KHNYN: variants seen among roughly 807,000 people sequenced by gnomAD.
The protein encoded by KHNYN is KH and NYN domain containing.
In KHNYN, 42 loss-of-function variants were observed where a neutral mutation model predicts 62.7. The observed-to-expected ratio is 0.67, with a 90% CI of 0.52 to 0.87. The LOEUF (loss-of-function observed/expected upper bound fraction) is 0.87, where lower values mean the gene tolerates loss of function less well. Among genes scored for constraint, KHNYN ranks in the 40% least tolerant of loss-of-function variants. The pLI, the probability that KHNYN is intolerant of heterozygous loss-of-function variation, is 0.00. For synonymous variants in KHNYN, 347 were observed against 345.6 expected (o/e 1.00, Z -0.04); for missense variants, 829 against 874.1 (o/e 0.95, Z 0.65).
chr14:24,431,733 A>T lies in KHNYN; in HGVS notation c.472A>T (p.Thr158Ser), dbSNP rs1326757358. 6.2e-7 allele frequency: 1 copy of T among 1,614,162 alleles called. No homozygotes were observed. The highest frequency in any genetic ancestry group is 1.7e-5 in the Admixed American group (1 of 60,030). The stretch of plus-strand genomic sequence containing the variant: ...ACCATCTTCCGGAGCCTCTCAGTGT[A>T]CTGGAGTGCTGAGAGACTTCTCTGC... ...PGPSSGASQC[T>S]GVLRDFSALL... Residue 158 changes from threonine to serine, a missense_variant, in exon 3 of 8, where the codon ACT (threonine) becomes TCT (serine). By Grantham distance (58) the Thr-to-Ser change is moderately conservative. Transcript: ENST00000553935.
intron 5 of KHNYN, among the ~76,000 whole-genome samples, chr14:24,433,626 C>T (rs997395667): frequency 2.0e-5 from 3 of 152,180 alleles, no homozygotes; most frequent in Non-Finnish European, 4.4e-5. Flanking sequence ...CATTCATTTA[C>T]CCTCCTTGTG....
intron 5 of KHNYN, 110 bp downstream of exon 5, chr14:24,433,142 G>C (rs1213294645): frequency 7.9e-6 from 8 of 1,011,700 alleles, no homozygotes; most frequent in Admixed American, 1.9e-5. Flanking sequence ...CCTTGGTGGT[G>C]GGTAAGGGGC....
At chr14:24,430,302 A>G in intron 1 of KHNYN, 183 bp downstream of exon 1, 1 of 658,450 alleles carries the variant, frequency 1.5e-6, no homozygotes, top group Non-Finnish European at 1.9e-6. Flanking sequence ...GAGGGGTGGG[A>G]GTGGCTTGAA....
At position 24,435,541 on chromosome 14, in the gene KHNYN, T is replaced by C. The variant is rs550591846; in HGVS notation, c.1578-531T>C. On this transcript the variant is annotated intron_variant, in intron 5 of 7. Transcript: ENST00000553935. The stretch of plus-strand genomic sequence containing the variant: ...AGTTGCAATATCTGAATTACTGGGG[T>C]GGTAATGGTGGGCCTGGGAAGGAAG... 4.0e-4 allele frequency: 61 copies of C among 153,844 alleles called. No individual in the cohort carries two copies. In the South Asian group the frequency reaches 6.6e-3, roughly 17 times the overall value. The allele number at this position is 153,844 out of a possible 1,614,324, so 9.5% of individuals were successfully genotyped here.
chr14:24,440,521 G>T lies in KHNYN; in HGVS notation c.*3236G>T. 1 of 1,580,308 alleles carries T rather than the reference G, an allele frequency of 6.3e-7. No homozygotes were observed. Among genetic ancestry groups the T allele is most frequent in the Non-Finnish European group, 8.6e-7 (1 of 1,163,276 alleles). The stretch of plus-strand genomic sequence containing the variant: ...GAGCAGGAAAGAGGGAAGGTACAGG[G>T]GTCCTCTCAGCCTTGAAGGAGCCCA... On this transcript the variant is annotated 3_prime_UTR_variant, in exon 8 of 8. Transcript: ENST00000553935.
Position 24,440,349 on chromosome 14 carries a change from G to C in KHNYN, c.*3064G>C. 2 of 1,614,046 alleles carry C rather than the reference G, an allele frequency of 1.2e-6. No homozygotes were observed. ...ACCCCGTGCACGTGGTTTGCTTCAA[G>C]GGCATGGGTCAGGATTCCTGCCAGG... On this transcript the variant is annotated 3_prime_UTR_variant, in exon 8 of 8. Coordinates refer to ENST00000553935, the MANE Select transcript of KHNYN (RefSeq NM_015299.3).
At position 24,432,389 on chromosome 14, in the gene KHNYN, C is replaced by G. The variant is rs146188248; in HGVS notation, c.1128C>G (p.Cys376Trp). Residue 376 changes from cysteine (C) to tryptophan (W), a missense_variant, in exon 3 of 8, where the codon TGC becomes TGG. Physicochemically the swap from Cys to Trp is radical, Grantham distance 215. This residue lies in a region of KHNYN where 559 missense variants were observed against 527.0 expected (regional missense o/e 1.06). Coordinates refer to ENST00000553935, the MANE Select transcript of KHNYN (RefSeq NM_015299.3). The surrounding 1 kb of genome is among the most constrained non-coding windows in gnomAD (Gnocchi z 5.6). ...PPWHCGDRGD[C>W]GDRGDVGDRG... is the part of the protein sequence containing the mutation. ...GGCACTGTGGAGACCGGGGTGACTGCGGAGACCGGGGAGACGTGGGGGACA... is the reference window on the plus strand; with the variant it reads ...GGCACTGTGGAGACCGGGGTGACTGGGGAGACCGGGGAGACGTGGGGGACA... 1 of 1,613,494 alleles carries G rather than the reference C, an allele frequency of 6.2e-7. No individual in the cohort carries two copies. The highest frequency in any genetic ancestry group is 1.3e-5 in the African/African-American group (1 of 74,860).
rs899214288 is a variant in KHNYN, at chr14:24,429,975, A to G, written c.-162A>G. 4.2e-5 allele frequency: 42 copies of G among 988,952 alleles called. No individual in the cohort carries two copies. The highest frequency in any genetic ancestry group is 2.0e-5 in the Non-Finnish European group (17 of 831,744). The allele number at this position is 988,952 out of a possible 1,614,324, so 61.3% of individuals were successfully genotyped here. ...AAACAGTTTGCGTGCGATGTGGACA[A>G]GAGAGGTCCCCGCTGGGTGAGGAAC... On this transcript the variant is annotated 5_prime_UTR_variant, in exon 1 of 8. Transcript: ENST00000553935.
chr14:24,436,511 T>C lies in KHNYN; in HGVS notation c.1787+22T>C, dbSNP rs576900629. 4 of 1,562,406 alleles carry C rather than the reference T, an allele frequency of 2.6e-6. No homozygotes were observed. The Admixed American group carries it at 7.2e-5, about 28-fold the overall frequency. ...CCAGGTAATCAATCCCCTAGACTAC[T>C]TACAGGCAGCCCCCACCCCTGGCCC... On this transcript the variant is annotated intron_variant, in intron 7 of 7. Coordinates refer to ENST00000553935, the MANE Select transcript of KHNYN (RefSeq NM_015299.3).
chr14:24,437,136 C>A lies in KHNYN; in HGVS notation c.1888C>A (p.Arg630=). Residue 630 remains arginine, a synonymous_variant, in exon 8 of 8, where the codon CGG becomes AGG. Transcript: ENST00000553935. This position sits in a 1 kb window ranked among gnomAD's most constrained non-coding sequence, Gnocchi z 5.5. The part of the protein sequence containing the change: ...REEEKGSGGI[R]KTRETERLRR... Reference sequence around the variant, plus strand: ...AGAGGAAAAAGGTAGTGGTGGCATTCGGAAGACCCGGGAAACAGAGCGGCT... The same window carrying A: ...AGAGGAAAAAGGTAGTGGTGGCATTAGGAAGACCCGGGAAACAGAGCGGCT... 6.2e-7 allele frequency: 1 copy of A among 1,614,190 alleles called. No individual in the cohort carries two copies. Among genetic ancestry groups the A allele is most frequent in the Non-Finnish European group, 8.5e-7 (1 of 1,180,032 alleles).
chr14:24,436,809 C>T (rs1164326098), intron 7 of KHNYN, among the ~76,000 whole-genome samples: 2 of 152,192 alleles, frequency 1.3e-5, no homozygotes, highest in African/African-American at 4.8e-5. Flanking sequence ...TCATTTAGGA[C>T]TAGAACTAGA....
At position 24,441,047 on chromosome 14, in the gene KHNYN, G is replaced by A. The variant is rs756467648; in HGVS notation, c.*3762G>A. On this transcript the variant is annotated 3_prime_UTR_variant, in exon 8 of 8. Coordinates refer to ENST00000553935, the MANE Select transcript of KHNYN (RefSeq NM_015299.3). ...TAGGATCTCCCCATTTGGAGACAGA[G>A]CCATTTGGATATTTTCCCCTTGAAC... 3 of 1,095,866 alleles carry A rather than the reference G, an allele frequency of 2.7e-6. No homozygotes were observed. Among genetic ancestry groups the A allele is most frequent in the Non-Finnish European group, 4.1e-6 (3 of 729,912 alleles). The allele number at this position is 1,095,866 out of a possible 1,614,324, so 67.9% of individuals were successfully genotyped here.
At chr14:24,433,053 C>T in intron 5 of KHNYN, 21 bp downstream of exon 5, 2 of 1,600,196 alleles carry the variant, frequency 1.2e-6, no homozygotes, top group East Asian at 2.2e-5. Context: ...CTCTCCTGGC[C>T]CCAGGCTTGA....
upstream of KHNYN, chr14:24,428,876 C>T (rs772464184): frequency 6.2e-7 from 1 of 1,603,928 alleles, no homozygotes; most frequent in Admixed American, 1.7e-5. Context: ...GGCTGCTCCC[C>T]CGGGCCCCCC....
In KHNYN at chr14:24,441,381, C is replaced by A; in HGVS notation, c.*4096C>A. Reference sequence around the variant, plus strand: ...GTATAATTGTTTGCAATTACTTGGTCCCAAAGGTGACCAGGAACTCTGTTC... The same window carrying A: ...GTATAATTGTTTGCAATTACTTGGTACCAAAGGTGACCAGGAACTCTGTTC... On this transcript the variant is annotated 3_prime_UTR_variant, in exon 8 of 8. Transcript: ENST00000553935. 1 of 473,076 alleles carries A rather than the reference C, an allele frequency of 2.1e-6. No individual in the cohort carries two copies. The highest frequency in any genetic ancestry group is 4.0e-5 in the East Asian group (1 of 24,914). 29.3% of individuals were successfully genotyped at this position (473,076 alleles called of 1,614,324 possible).
rs1594751037 is a variant in KHNYN at position 24,430,138 on chromosome 14, C to T, written c.-18+19C>T. On this transcript the variant is annotated intron_variant, in intron 1 of 7. Transcript: ENST00000553935. The stretch of plus-strand genomic sequence containing the variant: ...GGAGGCGGTAGGCGCGCCCCTCCAC[C>T]GCGCCCGGGAGCGGGGAGCGGGGGC... The T allele has an allele frequency of 2.0e-6, 2 of 983,656 alleles. No homozygotes were observed. Among genetic ancestry groups the T allele is most frequent in the East Asian group, 1.1e-4 (1 of 8,760 alleles). 60.9% of individuals were successfully genotyped at this position (983,656 alleles called of 1,614,324 possible). A position where few individuals can be genotyped will look rare whatever the true frequency, so the allele number is the denominator to read the frequency against.
At chr14:24,429,749 G>A, upstream of KHNYN, 1 of 985,434 alleles carries the variant, frequency 1.0e-6, no homozygotes, top group Non-Finnish European at 1.2e-6. Flanking sequence ...AAGTAACTGC[G>A]CAGAATGCGC....
At chr14:24,433,924 T>C (rs1352521593) in intron 5 of KHNYN, among the ~76,000 whole-genome samples, 4 of 152,194 alleles carry the variant, frequency 2.6e-5, no homozygotes, top group African/African-American at 9.7e-5. Context: ...AGTTAAAAAA[T>C]TTACAAGTTC....
chr14:24,428,715 G>A (rs780929171), upstream of KHNYN: 6 of 1,532,182 alleles, frequency 3.9e-6, 1 homozygote, highest in South Asian at 7.5e-5. Flanking sequence ...GGTCCTTGCA[G>A]GGTCTTTCCA....
Sources: allele counts gnomAD v4.1 joint callset (sites outside exome capture counted in the v4.1 genomes callset), GRCh38; gene constraint gnomAD v4.1.1; regional missense constraint gnomAD v4.1.1; non-coding constraint Gnocchi (gnomAD v3.1); transcripts MANE v1.5; gene names NCBI Gene and HGNC (gene_info 2026-07-23, HGNC 2026-07-21).